Variants in ARHGAP42 observed in about 807,000 individuals in gnomAD.
ARHGAP42 encodes rho GTPase-activating protein 42.
Under a neutral mutation model 125.0 loss-of-function variants are expected in ARHGAP42, and 63 were observed. The observed-to-expected ratio is 0.50, with a 90% CI of 0.41 to 0.62. ARHGAP42 has a LOEUF of 0.62. Ranked by LOEUF, ARHGAP42 falls within the 20% of genes least tolerant of loss-of-function variation. The pLI, the probability that ARHGAP42 is intolerant of heterozygous loss-of-function variation, is 0.00. For synonymous variants in ARHGAP42, 339 were observed against 351.0 expected, an observed-to-expected ratio of 0.97 and a Z score of 0.38; for missense variants, 766 against 1,024.2, an observed-to-expected ratio of 0.75 and a Z score of 3.44.
intron 3 of ARHGAP42, chr11:100,839,898 TA>T (rs1333007575): frequency 6.6e-6 from 1 of 152,196 alleles, no homozygotes; most frequent in Non-Finnish European, 1.5e-5. Context: ...TGGAGCTAAC[TA>T]GGGGTTAGAA....
intron 4 of ARHGAP42, among the ~76,000 whole-genome samples, chr11:100,905,955 C>T (rs1013799435): frequency 2.6e-5 from 4 of 152,250 alleles, no homozygotes; most frequent in Admixed American, 6.5e-5. Context: ...CTGGCCAGGG[C>T]GATAGTCTTA....
At chr11:100,941,647 C>T in intron 8 of ARHGAP42, 137 bp from the exon 9 acceptor site, 1 of 540,146 alleles carries the variant, frequency 1.9e-6, no homozygotes, top group South Asian at 2.9e-5. Context: ...TGTTCTTTCT[C>T]ATGCACAGTA....
intron 3 of ARHGAP42, among the ~76,000 whole-genome samples, chr11:100,801,068 A>T (rs1200360354): frequency 6.6e-6 from 1 of 152,220 alleles, no homozygotes; most frequent in African/African-American, 2.4e-5. Flanking sequence ...TCATATTGGA[A>T]GTGCTCCAGA....
chr11:100,835,242 A>G (rs1184168060), intron 3 of ARHGAP42, among the ~76,000 whole-genome samples: 1 of 152,144 alleles, frequency 6.6e-6, no homozygotes, highest in Non-Finnish European at 1.5e-5. Context: ...GACCTCCAGC[A>G]TTACATTAAT....
At chr11:100,722,456 G>A (rs1263230484) in intron 1 of ARHGAP42, among the ~76,000 whole-genome samples, 1 of 149,386 alleles carries the variant, frequency 6.7e-6, no homozygotes, top group East Asian at 2.0e-4. Context: ...GCAGTGGCAC[G>A]ATTGGCTCAC....
intron 4 of ARHGAP42, among the ~76,000 whole-genome samples, chr11:100,889,564 T>C (rs928542372): frequency 1.3e-5 from 2 of 152,202 alleles, no homozygotes; most frequent in African/African-American, 2.4e-5. Context: ...TACTCTGTTA[T>C]AGCCACACAA....
In ARHGAP42 at chr11:100,992,115, A is replaced by G; in HGVS notation, c.*3314A>G. The stretch of plus-strand genomic sequence containing the variant: ...TATCATTCATGTGGTTTCAGTTTAG[A>G]AGAGTCCCTCAGAGCTTTGCCTCAA... On this transcript the variant is annotated 3_prime_UTR_variant, in exon 24 of 24. Transcript: ENST00000298815. 1.7e-6 allele frequency: 1 copy of G among 595,910 alleles called. No individual in the cohort carries two copies. Among genetic ancestry groups the G allele is most frequent in the Non-Finnish European group, 2.9e-6 (1 of 347,470 alleles). 36.9% of individuals were successfully genotyped at this position (595,910 alleles called of 1,614,324 possible).
chr11:100,838,707 A>G (rs575255181), intron 3 of ARHGAP42, among the ~76,000 whole-genome samples: 8 of 144,840 alleles, frequency 5.5e-5, no homozygotes, highest in Non-Finnish European at 1.1e-4. Context: ...ACAAAACAAA[A>G]TAAAACAAAA....
chr11:100,809,895 T>A (rs1178440057), intron 3 of ARHGAP42, among the ~76,000 whole-genome samples: 2 of 151,788 alleles, frequency 1.3e-5, no homozygotes, highest in Non-Finnish European at 2.9e-5. Flanking sequence ...GAGCCAAAAT[T>A]GTGCCACTGC....
At chr11:100,693,101 C>T (rs1006494670) in intron 1 of ARHGAP42, among the ~76,000 whole-genome samples, 6 of 151,158 alleles carry the variant, frequency 4.0e-5, no homozygotes, top group Admixed American at 4.0e-4. Context: ...CATCCTTTAG[C>T]TTCTTGTAAG....
intron 1 of ARHGAP42, among the ~76,000 whole-genome samples, chr11:100,728,719 T>C (rs1159711067): frequency 1.8e-4 from 2 of 11,266 alleles, no homozygotes; most frequent in Non-Finnish European, 4.8e-4. Context: ...TTTGCGTATA[T>C]ATATATATAT....
intron 3 of ARHGAP42, chr11:100,816,616 T>C (rs1864272536): frequency 6.6e-6 from 1 of 152,242 alleles, no homozygotes; most frequent in Admixed American, 6.5e-5. Context: ...TAATATAAAG[T>C]ATGTTTATAC....
Position 100,992,463 on chromosome 11 carries a change from C to CT in ARHGAP42, c.*3668dup. 1 of 1,614,056 alleles carries CT rather than the reference C, an allele frequency of 6.2e-7. No homozygotes were observed. The highest frequency in any genetic ancestry group is 8.5e-7 in the Non-Finnish European group (1 of 1,179,966). On this transcript the variant is annotated 3_prime_UTR_variant, in exon 24 of 24. Transcript: ENST00000298815. Reference sequence around the variant, plus strand: ...TTGCTATTTAACTTTGCCTCCTACCCTTTTTTGTTACCTTCCAAAATCAAG... The same window carrying CT: ...TTGCTATTTAACTTTGCCTCCTACCCTTTTTTTGTTACCTTCCAAAATCAAG...
chr11:100,687,593 C>G lies in ARHGAP42; in HGVS notation c.-86C>G. ...GGCGCCTTCCCCGCGATCGCGCGAC[C>G]CCAGCGCCCGCCGCGGCCGCCGGCT... On this transcript the variant is annotated 5_prime_UTR_variant, in exon 1 of 24. Transcript: ENST00000298815. The G allele has an allele frequency of 9.0e-7, 1 of 1,112,020 alleles. No individual in the cohort carries two copies. Among genetic ancestry groups the G allele is most frequent in the Non-Finnish European group, 1.1e-6 (1 of 893,976 alleles). The allele number at this position is 1,112,020 out of a possible 1,614,324, so 68.9% of individuals were successfully genotyped here.
rs547625443 is a variant in ARHGAP42 at position 100,959,914 on chromosome 11, G to A, written c.1194G>A (p.Val398=). ...TGAATGAAGCAGGGTTCAACTTTGT[G>A]AGAAAATGCATTCAAGCTGTGGAAA... The part of the protein sequence containing the change: ...MYLNEAGFNF[V]RKCIQAVETR... Residue 398 remains valine, a synonymous_variant, in exon 13 of 24, where the codon GTG becomes GTA. Transcript: ENST00000298815. 2 of 1,551,484 alleles carry A rather than the reference G, an allele frequency of 1.3e-6. No homozygotes were observed. Among genetic ancestry groups the A allele is most frequent in the East Asian group, 4.9e-5 (2 of 40,904 alleles).
chr11:100,830,295 C>A (rs1056729054), intron 3 of ARHGAP42, among the ~76,000 whole-genome samples: 8 of 152,106 alleles, frequency 5.3e-5, no homozygotes, highest in Admixed American at 4.6e-4. Context: ...GTAAAAATAC[C>A]AATTTCATAG....
intron 1 of ARHGAP42, among the ~76,000 whole-genome samples, chr11:100,730,662 G>A (rs1026069406): frequency 3.3e-5 from 5 of 152,166 alleles, no homozygotes; most frequent in African/African-American, 1.2e-4. Flanking sequence ...CTTAAAGTGG[G>A]TTGCTTAAAT....
chr11:100,942,893 C>T (rs1304476858), intron 9 of ARHGAP42, among the ~76,000 whole-genome samples: 3 of 152,058 alleles, frequency 2.0e-5, no homozygotes, highest in Non-Finnish European at 4.4e-5. Flanking sequence ...ACTGTAAATC[C>T]AACTTATGTG....
chr11:100,770,513 A>G, intron 2 of ARHGAP42, 75 bp downstream of exon 2: 1 of 1,002,414 alleles, frequency 1.0e-6, no homozygotes, highest in Non-Finnish European at 1.4e-6. Flanking sequence ...ACACCTAAAT[A>G]ATAAACATGT....
Sources: gnomAD v4.1 joint callset for allele counts (sites outside exome capture counted in the v4.1 genomes callset) on GRCh38, gnomAD v4.1.1 for gene constraint, MANE v1.5 for transcripts, NCBI Gene and HGNC (gene_info 2026-07-23, HGNC 2026-07-21) for gene names.